The following ATXN1 variants were observed in gnomAD, a reference collection of about 807,000 sequenced individuals.
ATXN1 encodes the protein ataxin-1.
Under a neutral mutation model 56.4 loss-of-function variants are expected in ATXN1, and 8 were observed. The observed-to-expected ratio is 0.14, with a 90% CI of 0.08 to 0.26. The LOEUF is 0.26. Among genes scored for constraint, ATXN1 ranks in the 10% least tolerant of loss-of-function variants. The probability of loss-of-function intolerance (pLI) is 1.00; values close to 1 mark genes in which losing one functional copy is unlikely to be tolerated. For synonymous variants in ATXN1, 514 were observed against 494.6 expected (o/e 1.04, Z -0.52); for missense variants, 987 against 1,106.5 (o/e 0.89, Z 1.53).
chr6:16,524,424 A>G (rs1469141377), intron 4 of ATXN1, among the ~76,000 whole-genome samples: 2 of 152,192 alleles, frequency 1.3e-5, no homozygotes, highest in African/African-American at 4.8e-5. Flanking sequence ...ACACGCATTG[A>G]CCTTTTCATC....
chr6:16,705,978 A>G (rs940666637), intron 2 of ATXN1, among the ~76,000 whole-genome samples: 8 of 152,080 alleles, frequency 5.3e-5, no homozygotes, highest in African/African-American at 1.9e-4. Flanking sequence ...TGCTTGGCTC[A>G]CAAGGGCCCT....
intron 4 of ATXN1, among the ~76,000 whole-genome samples, chr6:16,550,199 C>T (rs1054505043): frequency 6.1e-5 from 9 of 148,156 alleles, no homozygotes; most frequent in African/African-American, 2.2e-4. Flanking sequence ...TGCTTATGGA[C>T]ACACCCTAGC....
chr6:16,531,365 G>A (rs1761500423), intron 4 of ATXN1, among the ~76,000 whole-genome samples: 1 of 152,212 alleles, frequency 6.6e-6, no homozygotes, highest in South Asian at 2.1e-4. Context: ...GCTCACACCT[G>A]TAATCCTAAC....
intron 6 of ATXN1, among the ~76,000 whole-genome samples, chr6:16,332,444 G>A (rs952771043): frequency 6.6e-6 from 1 of 152,098 alleles, no homozygotes; most frequent in African/African-American, 2.4e-5. Flanking sequence ...AAGGAGAGTG[G>A]GATTTCTGCT....
chr6:16,440,649 A>AAAAAAAAG (rs56105499), intron 6 of ATXN1, among the ~76,000 whole-genome samples: 9 of 113,700 alleles, frequency 7.9e-5, no homozygotes, highest in African/African-American at 2.9e-4. Context: ...TTAAAAAAAA[A>AAAAAAAAG]AAAGAAAAGA....
intron 6 of ATXN1, among the ~76,000 whole-genome samples, chr6:16,360,998 A>G (rs1487411758): frequency 6.6e-6 from 1 of 152,236 alleles, no homozygotes; most frequent in East Asian, 1.9e-4. Flanking sequence ...ACTCCCAAGG[A>G]CAAGATGTAG....
At chr6:16,731,110 T>C (rs1759966020) in intron 2 of ATXN1, among the ~76,000 whole-genome samples, 1 of 152,182 alleles carries the variant, frequency 6.6e-6, no homozygotes, top group Non-Finnish European at 1.5e-5. Context: ...CTGGCTCAAA[T>C]GCCTACAAAT....
At chr6:16,339,150 C>G (rs948294243) in intron 6 of ATXN1, among the ~76,000 whole-genome samples, 1 of 152,212 alleles carries the variant, frequency 6.6e-6, no homozygotes, top group Non-Finnish European at 1.5e-5. Flanking sequence ...CACACACTCA[C>G]GAGCTTCACC....
chr6:16,570,726 G>A (rs236959), intron 4 of ATXN1, among the ~76,000 whole-genome samples: 4,051 of 152,202 alleles, frequency 0.027, 158 homozygotes, highest in African/African-American at 0.091. Context: ...CATTCCCCAC[G>A]CCTAACTCTC....
chr6:16,356,054 G>A (rs563314225), intron 6 of ATXN1, among the ~76,000 whole-genome samples: 1 of 152,200 alleles, frequency 6.6e-6, no homozygotes, highest in Admixed American at 6.5e-5. Context: ...TCATTACATC[G>A]AAGTAAGTAA....
chr6:16,326,736 G>T lies in ATXN1; in HGVS notation c.1575C>A (p.Thr525=). The T allele has an allele frequency of 6.2e-7, 1 of 1,613,642 alleles. No individual in the cohort carries two copies. ...TGAAGTTCTCGCTCTTGGGAAGGGCGGTGGTGACGAACGTGTGAGGCACTG... is the reference window on the plus strand; with the variant it reads ...TGAAGTTCTCGCTCTTGGGAAGGGCTGTGGTGACGAACGTGTGAGGCACTG... ...FAAVPHTFVT[T]ALPKSENFNP... The change falls in exon 7 of 8, where the codon ACC becomes ACA. Residue 525 remains threonine, a synonymous_variant. Coordinates refer to ENST00000436367, the MANE Select transcript of ATXN1 (RefSeq NM_001128164.2). The surrounding 1 kb of genome is among the most constrained non-coding windows in gnomAD (Gnocchi z 6.6).
chr6:16,591,221 A>T (rs236980), intron 3 of ATXN1, among the ~76,000 whole-genome samples: 107,558 of 151,948 alleles, frequency 0.71, 38,385 homozygotes, highest in Admixed American at 0.8. Context: ...CCTCCCAAAG[A>T]ACTGGGACTA....
intron 2 of ATXN1, among the ~76,000 whole-genome samples, chr6:16,663,547 G>C (rs568725106): frequency 7.7e-4 from 117 of 152,308 alleles, no homozygotes; most frequent in Non-Finnish European, 1.3e-3. Flanking sequence ...GAATGGCACT[G>C]TGCCGGGAAG....
chr6:16,637,809 G>A (rs1470684355), intron 3 of ATXN1, among the ~76,000 whole-genome samples: 1 of 152,174 alleles, frequency 6.6e-6, no homozygotes, highest in African/African-American at 2.4e-5. Context: ...CCAGAAATAT[G>A]TGAATCACGA....
At chr6:16,689,042 GTACTC>G (rs1248021713) in intron 2 of ATXN1, among the ~76,000 whole-genome samples, 3 of 142,974 alleles carry the variant, frequency 2.1e-5, no homozygotes, top group African/African-American at 8.5e-5. Context: ...GTGTATATGT[GTACTC>G]TGTGTGTGTG....
intron 3 of ATXN1, among the ~76,000 whole-genome samples, chr6:16,602,746 G>A (rs1451384709): frequency 6.6e-6 from 1 of 152,082 alleles, no homozygotes. Context: ...CACTGAGCCT[G>A]GCCGCAGCCC....
chr6:16,349,337 T>C (rs1761518361), intron 6 of ATXN1, among the ~76,000 whole-genome samples: 1 of 152,096 alleles, frequency 6.6e-6, no homozygotes, highest in African/African-American at 2.4e-5. Context: ...ATCTTGTTTC[T>C]ACTAAAAATA....
At chr6:16,567,428 A>T (rs1043991161) in intron 4 of ATXN1, among the ~76,000 whole-genome samples, 4 of 152,222 alleles carry the variant, frequency 2.6e-5, no homozygotes, top group African/African-American at 9.6e-5. Flanking sequence ...TGTGAGTGCA[A>T]GTCAGAATAA....
In ATXN1 at chr6:16,530,753, T is replaced by C. The variant is rs1039337008; in HGVS notation, c.-360-8065A>G. ...TGCACACGTACATCTGAACTTAAAATATAAGTTAAATGAATAAAAAAAGAA... is the reference window on the plus strand; with the variant it reads ...TGCACACGTACATCTGAACTTAAAACATAAGTTAAATGAATAAAAAAAGAA... On this transcript the variant is annotated intron_variant, in intron 4 of 7. Transcript: ENST00000436367. Among the ~76,000 whole-genome samples, 6 of 152,146 alleles carry C rather than the reference T, an allele frequency of 3.9e-5. 1 individual carries two copies. Among genetic ancestry groups the C allele is most frequent in the Admixed American group, 2.0e-4 (3 of 15,276 alleles).
Sources: allele counts gnomAD v4.1 joint callset (sites outside exome capture counted in the v4.1 genomes callset), GRCh38; gene constraint gnomAD v4.1.1; non-coding constraint Gnocchi (gnomAD v3.1); transcripts MANE v1.5; gene names NCBI Gene and HGNC (gene_info 2026-07-23, HGNC 2026-07-21).